Variants in FAHD2A observed in about 807,000 individuals in gnomAD.
The protein encoded by FAHD2A is oxaloacetate tautomerase FAHD2A, mitochondrial.
Under a neutral mutation model 33.4 loss-of-function variants are expected in FAHD2A, and 27 were observed. The ratio of observed to expected loss-of-function variants is 0.81; its 90% confidence interval spans 0.60 to 1.11. The LOEUF is 1.11. FAHD2A is among the 50% of genes most tolerant of loss of function. FAHD2A has a pLI of 0.00. For missense variants in FAHD2A, 296 were observed against 395.0 expected (o/e 0.75, Z 2.12); for synonymous variants, 130 against 153.3 (o/e 0.85, Z 1.12).
chr2:95,413,478 C>T lies in FAHD2A; in HGVS notation c.*521C>T. 6.2e-7 allele frequency: 1 copy of T among 1,610,474 alleles called. No homozygotes were observed. ...AGCTACAAGTGAACTGCCGGATGAA[C>T]TGTTCTAGTTTTTCCTGATTGTCCA... On this transcript the variant is annotated 3_prime_UTR_variant, in exon 8 of 8. Transcript: ENST00000233379.
rs1454200229 is a variant in FAHD2A, at chr2:95,415,448, C to T, written c.*2491C>T. 6.6e-6 allele frequency: 1 copy of T among 152,162 alleles called. No individual in the cohort carries two copies. 9.4% of individuals were successfully genotyped at this position (152,162 alleles called of 1,614,324 possible). A position where few individuals can be genotyped will look rare whatever the true frequency, so the allele number is the denominator to read the frequency against. On this transcript the variant is annotated 3_prime_UTR_variant, in exon 8 of 8. Coordinates refer to ENST00000233379, the MANE Select transcript of FAHD2A (RefSeq NM_016044.3). Reference sequence around the variant, plus strand: ...AAAAAAAAAAAAAAAGCAATACTTGCATTCTCATTAGTAGGAACATGTGAG... The same window carrying T: ...AAAAAAAAAAAAAAAGCAATACTTGTATTCTCATTAGTAGGAACATGTGAG...
intron 1 of FAHD2A, among the ~76,000 whole-genome samples, chr2:95,404,931 G>T (rs916242940): frequency 1.8e-4 from 27 of 152,334 alleles, no homozygotes; most frequent in African/African-American, 6.3e-4. Flanking sequence ...GGACAGCCTG[G>T]TAGAGGTTCT....
chr2:95,420,816 C>T (rs1683303817), downstream of FAHD2A, among the ~76,000 whole-genome samples: 1 of 151,822 alleles, frequency 6.6e-6, no homozygotes, highest in African/African-American at 2.4e-5. Context: ...TAAGGACCTG[C>T]AATATGTTTT....
At chr2:95,416,963 C>T, downstream of FAHD2A, among the ~76,000 whole-genome samples, 1 of 152,208 alleles carries the variant, frequency 6.6e-6, no homozygotes, top group Non-Finnish European at 1.5e-5. Context: ...GCAGCATTTC[C>T]ACAGAGCTGT....
chr2:95,408,044 T>G (rs1315513923), intron 3 of FAHD2A, among the ~76,000 whole-genome samples: 2 of 135,172 alleles, frequency 1.5e-5, no homozygotes, highest in East Asian at 3.9e-4. Flanking sequence ...CATTTTTTTT[T>G]TTTTTTTTTT....
chr2:95,415,381 C>G lies in FAHD2A; in HGVS notation c.*2424C>G, dbSNP rs947039707. 2 of 146,062 alleles carry G rather than the reference C, an allele frequency of 1.4e-5. No homozygotes were observed. Among genetic ancestry groups the G allele is most frequent in the African/African-American group, 5.1e-5 (2 of 39,144 alleles). The allele number at this position is 146,062 out of a possible 1,614,324, so 9.0% of individuals were successfully genotyped here. A position where few individuals can be genotyped will look rare whatever the true frequency, so the allele number is the denominator to read the frequency against. ...AACAGATTAAACTCTAAGCCAACAA[C>G]AACAGAACAGGGTGGAGTGAGTGGA... On this transcript the variant is annotated 3_prime_UTR_variant, in exon 8 of 8. Transcript: ENST00000233379.
Position 95,413,547 on chromosome 2 carries a change from G to C in FAHD2A, c.*590G>C. On this transcript the variant is annotated 3_prime_UTR_variant, in exon 8 of 8. Transcript: ENST00000233379. ...ACAGGTGGAGCCTGGGGCCTGCAGG[G>C]CTCGGCGTCTGCTGCAGAACCTGGG... 6.3e-7 allele frequency: 1 copy of C among 1,590,406 alleles called. No individual in the cohort carries two copies. The highest frequency in any genetic ancestry group is 2.2e-5 in the East Asian group (1 of 44,588).
chr2:95,412,083 G>A (rs1477301979), intron 5 of FAHD2A, among the ~76,000 whole-genome samples: 3 of 152,120 alleles, frequency 2.0e-5, no homozygotes, highest in South Asian at 2.1e-4. Context: ...GAGCCACCAC[G>A]CTTGGCCCTG....
chr2:95,414,561 C>T lies in FAHD2A; in HGVS notation c.*1604C>T, dbSNP rs1313601047. On this transcript the variant is annotated 3_prime_UTR_variant, in exon 8 of 8. Transcript: ENST00000233379. ...CCTGCCTCACTGGACAGCCTCTCCG[C>T]GGCCTTCCTCCTCCCTGCTCCAGAA... 6 of 288,408 alleles carry T rather than the reference C, an allele frequency of 2.1e-5. No individual in the cohort carries two copies. The highest frequency in any genetic ancestry group is 1.0e-4 in the East Asian group (1 of 9,846). The allele number at this position is 288,408 out of a possible 1,614,324, so 17.9% of individuals were successfully genotyped here. A position where few individuals can be genotyped will look rare whatever the true frequency, so the allele number is the denominator to read the frequency against.
chr2:95,410,432 A>C (rs1682280324), intron 3 of FAHD2A, 95 bp from the exon 4 acceptor site: 1 of 1,500,076 alleles, frequency 6.7e-7, no homozygotes, highest in East Asian at 2.5e-5. Flanking sequence ...CCATACTGAC[A>C]AAGGTTGAGG....
chr2:95,411,344 G>A (rs1368102200), intron 5 of FAHD2A, among the ~76,000 whole-genome samples: 2 of 152,254 alleles, frequency 1.3e-5, no homozygotes, highest in African/African-American at 4.8e-5. Flanking sequence ...GAGCATCATG[G>A]AGCATAGTTA....
chr2:95,409,316 A>G (rs1239206395), intron 3 of FAHD2A, among the ~76,000 whole-genome samples: 3 of 151,958 alleles, frequency 2.0e-5, no homozygotes, highest in Non-Finnish European at 4.4e-5. Flanking sequence ...TTAGAGAACA[A>G]TGACCTTTTT....
downstream of FAHD2A, among the ~76,000 whole-genome samples, chr2:95,419,825 G>C (rs1206229622): frequency 2.0e-5 from 3 of 152,040 alleles, no homozygotes; most frequent in African/African-American, 7.3e-5. Flanking sequence ...GAGAGGAACA[G>C]AGTGGGGGCA....
rs1328917706 is a variant in FAHD2A, at chr2:95,414,793, A to ACT, written c.*1838_*1839dup. On this transcript the variant is annotated 3_prime_UTR_variant, in exon 8 of 8. Transcript: ENST00000233379. ...TCTCTTTGCCATCTCTCCCTGCCCC[A>ACT]CTCCGATGGCTCCTCCTGCCTGGTG... The ACT allele has an allele frequency of 6.6e-6, 1 of 151,968 alleles. No individual in the cohort carries two copies. The highest frequency in any genetic ancestry group is 1.9e-4 in the East Asian group (1 of 5,136). 9.4% of individuals were successfully genotyped at this position (151,968 alleles called of 1,614,324 possible).
At chr2:95,403,949 C>T (rs1681120896) in intron 1 of FAHD2A, among the ~76,000 whole-genome samples, 1 of 152,188 alleles carries the variant, frequency 6.6e-6, no homozygotes, top group Non-Finnish European at 1.5e-5. Context: ...GACAGTGGCA[C>T]AGTTGGTGCT....
intron 3 of FAHD2A, among the ~76,000 whole-genome samples, chr2:95,408,192 C>G (rs1042463649): frequency 7.9e-5 from 12 of 151,908 alleles, no homozygotes; most frequent in African/African-American, 2.9e-4. Flanking sequence ...ATTATCACAA[C>G]CAAAAAAATT....
At position 95,413,177 on chromosome 2, in the gene FAHD2A, A is replaced by T. The variant is rs1682811086; in HGVS notation, c.*220A>T. On this transcript the variant is annotated 3_prime_UTR_variant, in exon 8 of 8. Coordinates refer to ENST00000233379, the MANE Select transcript of FAHD2A (RefSeq NM_016044.3). ...CTTCTTTTGGGCTTTGTTTCATGGG[A>T]CAAGTTGGGGCATTTTGTGGGACTG... 4 of 1,049,322 alleles carry T rather than the reference A, an allele frequency of 3.8e-6. No individual in the cohort carries two copies. The highest frequency in any genetic ancestry group is 5.4e-6 in the Non-Finnish European group (4 of 734,768). 65.0% of individuals were successfully genotyped at this position (1,049,322 alleles called of 1,614,324 possible).
At chr2:95,403,277 G>A (rs1218751312) in intron 1 of FAHD2A, among the ~76,000 whole-genome samples, 1 of 152,182 alleles carries the variant, frequency 6.6e-6, no homozygotes, top group Non-Finnish European at 1.5e-5. Context: ...ATCCCTTTGA[G>A]TCTCAGTGTC....
rs372130042 is a variant in FAHD2A at position 95,405,757 on chromosome 2, A to G, written c.199A>G (p.Thr67Ala). The G allele has an allele frequency of 4.3e-6, 7 of 1,613,614 alleles. No homozygotes were observed. The African/African-American group carries it at 9.3e-5, about 22-fold the overall frequency. The change falls in exon 2 of 8, where the codon ACG becomes GCG. Residue 67 changes from threonine to alanine, a missense_variant. Transcript: ENST00000233379. Reference sequence around the variant, plus strand: ...TGACCCCACACTCCCGAAGACGATGACGCAGTTCCTAGAGCAGGGAGAGGC... The same window carrying G: ...TGACCCCACACTCCCGAAGACGATGGCGCAGTTCCTAGAGCAGGGAGAGGC... ...AFDPTLPKTM[T>A]QFLEQGEATL...
Sources: gnomAD v4.1 joint callset for allele counts (sites outside exome capture counted in the v4.1 genomes callset) on GRCh38, gnomAD v4.1.1 for gene constraint, MANE v1.5 for transcripts, NCBI Gene and HGNC (gene_info 2026-07-23, HGNC 2026-07-21) for gene names.